DENND1A: variants seen among roughly 807,000 people sequenced by gnomAD.
The protein encoded by DENND1A is DENN domain-containing protein 1A.
A neutral mutation model predicts 113.7 loss-of-function variants in DENND1A; 51 were observed. That is an observed-to-expected ratio of 0.45 (90% CI 0.36 to 0.57). The LOEUF (loss-of-function observed/expected upper bound fraction) is 0.57, where lower values mean the gene tolerates loss of function less well. Ranked by LOEUF, DENND1A falls within the 20% of genes least tolerant of loss-of-function variation. The probability of loss-of-function intolerance (pLI) is 0.00; values close to 1 mark genes in which losing one functional copy is unlikely to be tolerated. For missense variants in DENND1A, 1,258 were observed against 1,395.9 expected, an observed-to-expected ratio of 0.90 and a Z score of 1.57; for synonymous variants, 565 against 570.8, an observed-to-expected ratio of 0.99 and a Z score of 0.14.
At chr9:123,780,520 G>A (rs1474281970) in intron 3 of DENND1A, among the ~76,000 whole-genome samples, 2 of 152,188 alleles carry the variant, frequency 1.3e-5, no homozygotes, top group African/African-American at 4.8e-5. Flanking sequence ...AATCCTCATA[G>A]GAAGCAGTGA....
At chr9:123,528,677 G>C (rs2135281652) in intron 13 of DENND1A, among the ~76,000 whole-genome samples, 1 of 152,172 alleles carries the variant, frequency 6.6e-6, no homozygotes, top group Non-Finnish European at 1.5e-5. Flanking sequence ...CTTCCTCCCT[G>C]CCTCCAGAAA....
At chr9:123,440,173 A>C (rs2046820415) in intron 19 of DENND1A, 187 bp downstream of exon 19, 2 of 701,544 alleles carry the variant, frequency 2.9e-6, no homozygotes, top group Non-Finnish European at 4.4e-6. Flanking sequence ...GTCTCCTCAA[A>C]ATTTTTGAAA....
intron 2 of DENND1A, among the ~76,000 whole-genome samples, chr9:123,809,088 G>A (rs1836103028): frequency 6.6e-6 from 1 of 152,178 alleles, no homozygotes; most frequent in Non-Finnish European, 1.5e-5. Flanking sequence ...GAGGCAACAG[G>A]AGGAACCCAT....
chr9:123,537,514 C>T (rs1447492069), intron 13 of DENND1A, among the ~76,000 whole-genome samples: 1 of 150,864 alleles, frequency 6.6e-6, no homozygotes, highest in Admixed American at 6.6e-5. Context: ...TAATCAGAAC[C>T]AAAGTTAATT....
chr9:123,633,460 C>T (rs1318697779), intron 9 of DENND1A, among the ~76,000 whole-genome samples: 1 of 152,152 alleles, frequency 6.6e-6, no homozygotes, highest in Non-Finnish European at 1.5e-5. Flanking sequence ...ATGAGTCTCA[C>T]AGAGTAAGGT....
chr9:123,655,892 A>T (rs1347933831), intron 8 of DENND1A, among the ~76,000 whole-genome samples: 1 of 152,124 alleles, frequency 6.6e-6, no homozygotes, highest in East Asian at 1.9e-4. Context: ...ATCAACACAC[A>T]CTTATTTAAC....
In DENND1A at chr9:123,381,668, T is replaced by G. The variant is rs777692695; in HGVS notation, c.2977A>C (p.Arg993=). The G allele has an allele frequency of 6.3e-7, 1 of 1,598,252 alleles. No individual in the cohort carries two copies. The highest frequency in any genetic ancestry group is 1.1e-5 in the South Asian group (1 of 89,722). ...RTLPLARSSA[R]AAETKQGLAL... is the part of the protein sequence containing the mutation. The stretch of plus-strand genomic sequence containing the variant: ...AGCCCCTGCTTGGTCTCAGCAGCCC[T>G]GGCACTTGAGCGGGCCAGGGGCAAC... Residue 993 remains arginine, a synonymous_variant, in exon 24 of 24, where the codon AGG becomes CGG. Transcript: ENST00000394215. This position sits in a 1 kb window ranked among gnomAD's most constrained non-coding sequence, Gnocchi z 4.7.
chr9:123,727,230 A>G (rs982746273), intron 5 of DENND1A, among the ~76,000 whole-genome samples: 1 of 152,224 alleles, frequency 6.6e-6, no homozygotes, highest in African/African-American at 2.4e-5. Flanking sequence ...TTTCTTGTTT[A>G]GTCATCTAAG....
At chr9:123,398,000 G>A (rs2043221916) in intron 21 of DENND1A, among the ~76,000 whole-genome samples, 1 of 152,184 alleles carries the variant, frequency 6.6e-6, no homozygotes, top group African/African-American at 2.4e-5. Context: ...GACAAGGTGT[G>A]CAGTCGAAAG....
intron 5 of DENND1A, among the ~76,000 whole-genome samples, chr9:123,687,097 C>A (rs1169925045): frequency 6.6e-6 from 1 of 152,146 alleles, no homozygotes; most frequent in Non-Finnish European, 1.5e-5. Context: ...CACCAATCAA[C>A]ACAAGCAGGC....
rs540819327 is a variant in DENND1A at position 123,545,296 on chromosome 9, G to A, written c.993+12274C>T. On this transcript the variant is annotated intron_variant, in intron 13 of 23. Transcript: ENST00000394215. ...GTCATATATTTCAGAGAATGCAACC[G>A]CACCCCACAGAAAATCAGTGAAGAT... is the stretch of plus-strand genomic sequence containing the variant. 4.6e-5 allele frequency among the ~76,000 whole-genome samples: 7 copies of A among 152,102 alleles called. No homozygotes were observed. The East Asian group carries it at 9.7e-4, about 21-fold the overall frequency.
chr9:123,520,600 G>A (rs2054316374), intron 13 of DENND1A, among the ~76,000 whole-genome samples: 1 of 152,266 alleles, frequency 6.6e-6, no homozygotes, highest in Admixed American at 6.5e-5. Context: ...TGAAAGGATA[G>A]GAAAGTCAGA....
chr9:123,742,440 T>C (rs988147806), intron 5 of DENND1A, among the ~76,000 whole-genome samples: 6 of 152,206 alleles, frequency 3.9e-5, no homozygotes, highest in Non-Finnish European at 8.8e-5. Flanking sequence ...CTGTAAGTAG[T>C]ACAAATTTGG....
rs1340411788 is a variant in DENND1A, at chr9:123,383,809, G to A, written c.1865C>T (p.Pro622Leu). 1.2e-6 allele frequency: 2 copies of A among 1,613,940 alleles called. No homozygotes were observed. The highest frequency in any genetic ancestry group is 2.2e-5 in the East Asian group (1 of 44,902). ...GTCGATGCTGGCAGCCCGGTCAGGG[G>A]GAGCTGGGACAGGGCCTGTGGACTT... is the stretch of plus-strand genomic sequence containing the variant. ...VRKSTGPVPA[P>L]PDRAASIDLL... Residue 622 changes from proline (P) to leucine (L), a missense_variant, in exon 23 of 24, where the codon CCC (proline) becomes CTC (leucine). Around this residue, in one of 2 missense-constraint regions of DENND1A, gnomAD observed 1,159 missense variants for 1,231.7 expected, o/e 0.94. Transcript: ENST00000394215.
chr9:123,649,310 G>A (rs1589509300), intron 9 of DENND1A, among the ~76,000 whole-genome samples: 1 of 152,168 alleles, frequency 6.6e-6, no homozygotes, highest in Non-Finnish European at 1.5e-5. Context: ...TATATTAATA[G>A]ATTTTCTAGT....
At chr9:123,794,983 T>C (rs965468115) in intron 2 of DENND1A, among the ~76,000 whole-genome samples, 7 of 152,122 alleles carry the variant, frequency 4.6e-5, no homozygotes, top group Non-Finnish European at 8.8e-5. Context: ...GTCCTAAGAC[T>C]CTCTACAATG....
chr9:123,754,047 C>T (rs925969205), intron 5 of DENND1A, among the ~76,000 whole-genome samples: 2 of 152,208 alleles, frequency 1.3e-5, no homozygotes, highest in Non-Finnish European at 1.5e-5. Context: ...CTGAGAGCTA[C>T]ATCCCTTGAG....
intron 13 of DENND1A, among the ~76,000 whole-genome samples, chr9:123,499,037 T>C (rs1588858933): frequency 6.6e-6 from 1 of 151,786 alleles, no homozygotes; most frequent in South Asian, 2.1e-4. Flanking sequence ...TAAAAAAATC[T>C]TTTCTTTTTT....
intron 2 of DENND1A, among the ~76,000 whole-genome samples, chr9:123,827,010 A>T (rs1461820875): frequency 6.6e-6 from 1 of 152,166 alleles, no homozygotes; most frequent in African/African-American, 2.4e-5. Context: ...AAAAGTATAC[A>T]TCTACATGTA....
Sources: gnomAD v4.1 joint callset for allele counts (sites outside exome capture counted in the v4.1 genomes callset) on GRCh38, gnomAD v4.1.1 for gene constraint, gnomAD v4.1.1 regional missense constraint, Gnocchi (gnomAD v3.1) non-coding constraint, MANE v1.5 for transcripts, NCBI Gene and HGNC (gene_info 2026-07-23, HGNC 2026-07-21) for gene names.